CCDC50: variants seen among roughly 807,000 people sequenced by gnomAD.
The protein encoded by CCDC50 is coiled-coil domain containing 50, also known as coiled-coil domain-containing protein 50.
In CCDC50, 54 loss-of-function variants were observed where a neutral mutation model predicts 70.2. The observed-to-expected ratio is 0.77, with a 90% CI of 0.62 to 0.96. The LOEUF (loss-of-function observed/expected upper bound fraction) is 0.96, where lower values mean the gene tolerates loss of function less well. Ranked by LOEUF, CCDC50 falls within the 50% of genes least tolerant of loss-of-function variation. CCDC50 has a pLI of 0.00. For synonymous variants in CCDC50, 216 were observed against 198.8 expected (o/e 1.09, Z -0.73); for missense variants, 558 against 578.7 (o/e 0.96, Z 0.37).
At chr3:191,360,388 A>G (rs1041433049) in intron 3 of CCDC50, among the ~76,000 whole-genome samples, 1 of 152,200 alleles carries the variant, frequency 6.6e-6, no homozygotes, top group East Asian at 1.9e-4. Context: ...CGGTGCTTCT[A>G]CTTTCTTCCC....
intron 11 of CCDC50, among the ~76,000 whole-genome samples, chr3:191,390,896 C>T (rs1437087731): frequency 2.0e-5 from 3 of 152,146 alleles, no homozygotes; most frequent in African/African-American, 7.2e-5. Context: ...GGTTCAAACG[C>T]CTCTGACAGA....
chr3:191,371,487 A>T (rs958498736), intron 5 of CCDC50, among the ~76,000 whole-genome samples: 1 of 152,224 alleles, frequency 6.6e-6, no homozygotes, highest in African/African-American at 2.4e-5. Context: ...CAAGAATTTC[A>T]GGTCAGTGAT....
At chr3:191,365,245 T>A (rs949583440) in intron 4 of CCDC50, among the ~76,000 whole-genome samples, 1 of 151,776 alleles carries the variant, frequency 6.6e-6, no homozygotes, top group Non-Finnish European at 1.5e-5. Context: ...CTTTATAGTA[T>A]AAACTGCTCA....
intron 9 of CCDC50, 95 bp downstream of exon 9, chr3:191,381,027 A>G (rs898942807): frequency 1.9e-5 from 17 of 872,940 alleles, no homozygotes; most frequent in Non-Finnish European, 3.1e-5. Context: ...TATATTTAGG[A>G]TATATGAATA....
intron 1 of CCDC50, among the ~76,000 whole-genome samples, chr3:191,349,068 C>A (rs1250366742): frequency 1.4e-5 from 2 of 141,210 alleles, no homozygotes. Flanking sequence ...CTCTAAGCTC[C>A]CTACTTGCCC....
At chr3:191,357,022 C>A in intron 1 of CCDC50, 66 bp from the exon 2 acceptor site, 2 of 1,019,968 alleles carry the variant, frequency 2.0e-6, no homozygotes, top group African/African-American at 1.6e-5. Flanking sequence ...AAAAAAAATC[C>A]TTTCCTTTGT....
chr3:191,342,026 T>C (rs939462589), intron 1 of CCDC50, among the ~76,000 whole-genome samples: 3 of 152,236 alleles, frequency 2.0e-5, no homozygotes, highest in Non-Finnish European at 4.4e-5. Flanking sequence ...TCTAGGAATG[T>C]ACCCATGATC....
intron 6 of CCDC50, 66 bp downstream of exon 6, chr3:191,375,655 A>T (rs1395327708): frequency 6.6e-7 from 1 of 1,523,612 alleles, no homozygotes; most frequent in Admixed American, 1.9e-5. Context: ...AATGAATTTA[A>T]TAAGTACCTT....
At chr3:191,390,302 A>G (rs1412396292) in intron 11 of CCDC50, among the ~76,000 whole-genome samples, 1 of 151,972 alleles carries the variant, frequency 6.6e-6, no homozygotes, top group African/African-American at 2.4e-5. Flanking sequence ...GTTATGCAAA[A>G]GAAAAATGGA....
At chr3:191,344,266 G>T (rs372078806) in intron 1 of CCDC50, among the ~76,000 whole-genome samples, 1 of 152,160 alleles carries the variant, frequency 6.6e-6, no homozygotes, top group Non-Finnish European at 1.5e-5. Flanking sequence ...ATACCGTCAC[G>T]TTGTGATTAT....
At chr3:191,385,729 C>T (rs1430386053) in intron 10 of CCDC50, among the ~76,000 whole-genome samples, 2 of 151,828 alleles carry the variant, frequency 1.3e-5, no homozygotes, top group Non-Finnish European at 1.5e-5. Flanking sequence ...TTTGCCTTGG[C>T]CAGTGTTGAG....
At chr3:191,380,134 A>C in intron 6 of CCDC50, 25 bp from the exon 7 acceptor site, 1 of 1,313,758 alleles carries the variant, frequency 7.6e-7, no homozygotes, top group African/African-American at 1.5e-5. Flanking sequence ...GTTTTATTAC[A>C]TTGAGTTTTT....
chr3:191,366,416 A>T (rs1712691043), intron 4 of CCDC50, among the ~76,000 whole-genome samples: 1 of 152,146 alleles, frequency 6.6e-6, no homozygotes, highest in Non-Finnish European at 1.5e-5. Context: ...GAAAGGTGAG[A>T]TACAATGGTA....
chr3:191,361,952 T>C (rs773966980), intron 4 of CCDC50, among the ~76,000 whole-genome samples: 2 of 152,152 alleles, frequency 1.3e-5, no homozygotes, highest in Non-Finnish European at 2.9e-5. Flanking sequence ...CTTAAAGGTT[T>C]CCCTTTCCTC....
intron 10 of CCDC50, among the ~76,000 whole-genome samples, chr3:191,386,195 AT>A (rs147505707): frequency 0.01 from 1,417 of 139,430 alleles, 23 homozygotes; most frequent in African/African-American, 0.038. Flanking sequence ...GCATCTGTGG[AT>A]TGCTTTGTTT....
chr3:191,381,140 T>C (rs1451929991), intron 9 of CCDC50, among the ~76,000 whole-genome samples: 2 of 152,186 alleles, frequency 1.3e-5, no homozygotes, highest in African/African-American at 2.4e-5. Context: ...ACTGCTAAGA[T>C]TGAAAACTCA....
At chr3:191,374,384 G>GT (rs1369463286) in intron 5 of CCDC50, among the ~76,000 whole-genome samples, 1 of 151,996 alleles carries the variant, frequency 6.6e-6, no homozygotes, top group African/African-American at 2.4e-5. Context: ...CCTTTGCCAA[G>GT]TTTCAACTAA....
chr3:191,375,053 T>C lies in CCDC50; in HGVS notation c.449-9T>C, dbSNP rs956658740. The C allele has an allele frequency of 6.2e-7, 1 of 1,612,968 alleles. No individual in the cohort carries two copies. The highest frequency in any genetic ancestry group is 1.7e-5 in the Admixed American group (1 of 59,928). ...TTTTTATTTTTCACATCCCTCTGCC[T>C]CCACTCAGACCAACCAGGGTCAAGG... On this transcript the variant is annotated splice_polypyrimidine_tract_variant and intron_variant, in intron 5 of 11. Transcript: ENST00000392455.
chr3:191,340,998 T>A (rs1168684054), intron 1 of CCDC50, among the ~76,000 whole-genome samples: 1 of 151,796 alleles, frequency 6.6e-6, no homozygotes, highest in Non-Finnish European at 1.5e-5. Context: ...ATTAATTTTT[T>A]TTTTTTTGGT....
Sources: gnomAD v4.1 joint callset for allele counts (sites outside exome capture counted in the v4.1 genomes callset) on GRCh38, gnomAD v4.1.1 for gene constraint, MANE v1.5 for transcripts, NCBI Gene and HGNC (gene_info 2026-07-23, HGNC 2026-07-21) for gene names.